Variants in PDE1A observed in about 807,000 individuals in gnomAD.
PDE1A encodes phosphodiesterase 1A, also known as dual specificity calcium/calmodulin-dependent 3',5'-cyclic nucleotide phosphodiesterase 1A.
A neutral mutation model predicts 61.7 loss-of-function variants in PDE1A; 35 were observed. The observed-to-expected ratio is 0.57, with a 90% confidence interval of 0.43 to 0.75. PDE1A has a LOEUF of 0.75. Ranked by LOEUF, PDE1A falls within the 30% of genes least tolerant of loss-of-function variation. The pLI is 0.00. For synonymous variants in PDE1A, 232 were observed against 213.2 expected (o/e 1.09, Z -0.77); for missense variants, 597 against 630.6 (o/e 0.95, Z 0.57).
the PDE1A span, among the ~76,000 whole-genome samples, chr2:182,678,075 T>G: frequency 6.6e-6 from 1 of 152,246 alleles, no homozygotes; most frequent in African/African-American, 2.4e-5. Flanking sequence ...GGAAAACTAC[T>G]ATCACAAGTA....
chr2:182,635,475 C>T, the PDE1A span, among the ~76,000 whole-genome samples: 35 of 151,928 alleles, frequency 2.3e-4, no homozygotes, highest in Non-Finnish European at 4.3e-4. Context: ...TAGAATACTT[C>T]CTTGTTTGTT....
intron 6 of PDE1A, among the ~76,000 whole-genome samples, chr2:182,227,578 G>C (rs1423948324): frequency 6.6e-6 from 1 of 152,042 alleles, no homozygotes; most frequent in Non-Finnish European, 1.5e-5. Flanking sequence ...TATGTTAATA[G>C]CTATTATGTT....
At chr2:182,336,976 T>TAAAAAAAAAAA (rs10679939) in intron 1 of PDE1A, among the ~76,000 whole-genome samples, 2 of 148,596 alleles carry the variant, frequency 1.3e-5, no homozygotes, top group East Asian at 2.0e-4. Flanking sequence ...TTTTTTTTTT[T>TAAAAAAAAAAA]AAATAAAGAA....
intron 13 of PDE1A, among the ~76,000 whole-genome samples, chr2:182,178,109 C>T (rs1486025744): frequency 6.6e-6 from 1 of 152,176 alleles, no homozygotes; most frequent in Non-Finnish European, 1.5e-5. Context: ...TTTGTTATAA[C>T]AGGCTCATGC....
At chr2:182,626,776 T>C in the PDE1A span, among the ~76,000 whole-genome samples, 1 of 3,924 alleles carries the variant, frequency 2.5e-4, no homozygotes, top group Admixed American at 7.7e-3. Context: ...TATATACATA[T>C]ATATACATAT....
the PDE1A span, among the ~76,000 whole-genome samples, chr2:182,603,369 T>C: frequency 6.6e-6 from 1 of 152,196 alleles, no homozygotes; most frequent in Admixed American, 6.5e-5. Flanking sequence ...TTTTTGGAGA[T>C]GAAGTCTCAT....
chr2:182,621,704 C>G, the PDE1A span, among the ~76,000 whole-genome samples: 1 of 151,934 alleles, frequency 6.6e-6, no homozygotes, highest in East Asian at 1.9e-4. Flanking sequence ...GTGAATATAG[C>G]AAAATGTTTA....
chr2:182,254,996 A>G (rs1251762425), intron 2 of PDE1A, among the ~76,000 whole-genome samples: 2 of 152,204 alleles, frequency 1.3e-5, no homozygotes, highest in African/African-American at 2.4e-5. Context: ...CCAATGAAAC[A>G]TAAGGATATG....
intron 2 of PDE1A, among the ~76,000 whole-genome samples, chr2:182,450,901 A>G (rs928084261): frequency 6.6e-6 from 1 of 152,154 alleles, no homozygotes; most frequent in Non-Finnish European, 1.5e-5. Flanking sequence ...ACAATAGAGA[A>G]TATCAAAGTA....
chr2:182,357,220 C>T (rs887104546), intron 1 of PDE1A, among the ~76,000 whole-genome samples: 5 of 150,004 alleles, frequency 3.3e-5, no homozygotes, highest in Admixed American at 3.3e-4. Context: ...AAAAGTGATT[C>T]TTAAAAAATA....
At chr2:182,519,077 A>G (rs1434704023) in intron 2 of PDE1A, among the ~76,000 whole-genome samples, 1 of 152,110 alleles carries the variant, frequency 6.6e-6, no homozygotes, top group Non-Finnish European at 1.5e-5. Flanking sequence ...AAAATCTTCA[A>G]ACCAACTTTC....
At chr2:182,672,194 A>G in the PDE1A span, among the ~76,000 whole-genome samples, 3 of 152,234 alleles carry the variant, frequency 2.0e-5, no homozygotes, top group African/African-American at 7.2e-5. Flanking sequence ...TTGAATAGTT[A>G]TATGGTAATT....
At chr2:182,375,834 T>C (rs547072357) in intron 1 of PDE1A, among the ~76,000 whole-genome samples, 10 of 152,318 alleles carry the variant, frequency 6.6e-5, no homozygotes, top group Admixed American at 5.2e-4. Context: ...AGGTGGAGGT[T>C]CCCAAACCCC....
intron 1 of PDE1A, among the ~76,000 whole-genome samples, chr2:182,388,296 G>A (rs1291965482): frequency 6.6e-6 from 1 of 152,020 alleles, no homozygotes; most frequent in Non-Finnish European, 1.5e-5. Context: ...AATCAAGAAG[G>A]AAACATCAAA....
At chr2:182,215,481 GT>G (rs1290926340) in intron 7 of PDE1A, among the ~76,000 whole-genome samples, 2 of 151,104 alleles carry the variant, frequency 1.3e-5, no homozygotes, top group African/African-American at 4.9e-5. Context: ...CCAGGAGCTG[GT>G]TTTTTGAAAG....
the PDE1A span, among the ~76,000 whole-genome samples, chr2:182,567,603 C>G: frequency 6.6e-6 from 1 of 151,890 alleles, no homozygotes; most frequent in Non-Finnish European, 1.5e-5. Context: ...AATTGCTCAA[C>G]AAAAATAATG....
At chr2:182,669,596 C>T in the PDE1A span, among the ~76,000 whole-genome samples, 1 of 152,162 alleles carries the variant, frequency 6.6e-6, no homozygotes, top group South Asian at 2.1e-4. Context: ...TTCCCATCTT[C>T]CTGATTAAAG....
intron 8 of PDE1A, among the ~76,000 whole-genome samples, chr2:182,202,845 G>C (rs915473887): frequency 6.6e-6 from 1 of 152,142 alleles, no homozygotes; most frequent in African/African-American, 2.4e-5. Flanking sequence ...TTCCTTGTTT[G>C]CTCTATACAG....
chr2:182,462,061 G>GC (rs1343461682), intron 2 of PDE1A, among the ~76,000 whole-genome samples: 30 of 151,724 alleles, frequency 2.0e-4, no homozygotes, highest in Middle Eastern at 6.8e-3. Context: ...GCAAACTATC[G>GC]CAAGAATAAA....
Sources: gnomAD v4.1 joint callset for allele counts (sites outside exome capture counted in the v4.1 genomes callset) on GRCh38, gnomAD v4.1.1 for gene constraint, MANE v1.5 for transcripts, NCBI Gene and HGNC (gene_info 2026-07-23, HGNC 2026-07-21) for gene names.